AGBL4: variants seen among roughly 807,000 people sequenced by gnomAD.
The protein encoded by AGBL4 is cytosolic carboxypeptidase 6.
In AGBL4, 58 loss-of-function variants were observed where a neutral mutation model predicts 66.4. That is an observed-to-expected ratio of 0.87 (90% CI 0.71 to 1.09). AGBL4 has a LOEUF of 1.09. Ranked by LOEUF, AGBL4 falls within the 50% of genes least tolerant of loss-of-function variation. The pLI is 0.00. For missense variants in AGBL4, 579 were observed against 631.0 expected (o/e 0.92, Z 0.88); for synonymous variants, 234 against 222.9 (o/e 1.05, Z -0.44).
intron 6 of AGBL4, among the ~76,000 whole-genome samples, chr1:48,835,250 G>T (rs1646647664): frequency 6.6e-6 from 1 of 152,032 alleles, no homozygotes; most frequent in African/African-American, 2.4e-5. Context: ...CCCCTATCAG[G>T]GGCAGAATGT....
chr1:49,303,902 T>G (rs1644801744), intron 3 of AGBL4, among the ~76,000 whole-genome samples: 1 of 152,194 alleles, frequency 6.6e-6, no homozygotes, highest in Non-Finnish European at 1.5e-5. Context: ...ATTGATAGAT[T>G]GCAAAAATTT....
intron 3 of AGBL4, among the ~76,000 whole-genome samples, chr1:49,419,901 C>CT (rs1172091468): frequency 6.6e-6 from 1 of 152,166 alleles, no homozygotes; most frequent in Non-Finnish European, 1.5e-5. Context: ...TAAAGTCTTG[C>CT]TGTTCAAAGT....
intron 4 of AGBL4, among the ~76,000 whole-genome samples, chr1:49,058,808 T>C (rs1342946463): frequency 6.6e-6 from 1 of 152,178 alleles, no homozygotes; most frequent in Admixed American, 6.5e-5. Context: ...GAGGAACTTG[T>C]TGGGAACTGG....
At chr1:49,066,368 A>G (rs1411033294) in intron 4 of AGBL4, among the ~76,000 whole-genome samples, 3 of 152,204 alleles carry the variant, frequency 2.0e-5, no homozygotes, top group Non-Finnish European at 2.9e-5. Flanking sequence ...CCTTGCCAAC[A>G]TGGTGAAACC....
chr1:49,049,760 C>T (rs1410174747), intron 4 of AGBL4, among the ~76,000 whole-genome samples: 1 of 151,844 alleles, frequency 6.6e-6, no homozygotes, highest in Non-Finnish European at 1.5e-5. Context: ...AGATCCTGTA[C>T]TTGATGTTAG....
At chr1:49,910,524 C>T (rs1401884795) in intron 1 of AGBL4, among the ~76,000 whole-genome samples, 6 of 151,728 alleles carry the variant, frequency 4.0e-5, no homozygotes, top group Non-Finnish European at 8.8e-5. Flanking sequence ...AGAAATGGAG[C>T]AAATGATGGA....
chr1:49,399,292 G>A (rs1453574955), intron 3 of AGBL4, among the ~76,000 whole-genome samples: 1 of 152,088 alleles, frequency 6.6e-6, no homozygotes, highest in African/African-American at 2.4e-5. Context: ...TGTGAATAGT[G>A]CTGCAATAAA....
chr1:48,889,166 T>C (rs1650666236), intron 5 of AGBL4, among the ~76,000 whole-genome samples: 1 of 152,238 alleles, frequency 6.6e-6, no homozygotes. Context: ...ATTCTTTAAA[T>C]GTAAACACTT....
chr1:49,661,431 T>C (rs904344684), intron 3 of AGBL4, among the ~76,000 whole-genome samples: 1 of 152,056 alleles, frequency 6.6e-6, no homozygotes, highest in Admixed American at 6.6e-5. Context: ...ATGAGTGAGA[T>C]CTCACTTTGT....
chr1:49,514,656 C>T (rs1208805244), intron 3 of AGBL4, among the ~76,000 whole-genome samples: 2 of 152,038 alleles, frequency 1.3e-5, no homozygotes, highest in Non-Finnish European at 2.9e-5. Context: ...GCTACGGTAA[C>T]CAAAACAGCA....
At chr1:49,852,184 A>G (rs1344079324) in intron 1 of AGBL4, among the ~76,000 whole-genome samples, 2 of 152,122 alleles carry the variant, frequency 1.3e-5, no homozygotes, top group African/African-American at 4.8e-5. Flanking sequence ...TCCCAAATCT[A>G]TCAGAGAGCT....
At chr1:48,660,590 C>T (rs1386318907) in intron 7 of AGBL4, among the ~76,000 whole-genome samples, 1 of 152,172 alleles carries the variant, frequency 6.6e-6, no homozygotes, top group Non-Finnish European at 1.5e-5. Flanking sequence ...TTAGAAAAGA[C>T]CATGCCTCAG....
At chr1:49,258,042 C>A (rs1652713225) in intron 3 of AGBL4, among the ~76,000 whole-genome samples, 1 of 152,174 alleles carries the variant, frequency 6.6e-6, no homozygotes, top group African/African-American at 2.4e-5. Context: ...TGCTGATAGC[C>A]AGGCAAACAG....
At position 49,743,603 on chromosome 1, in the gene AGBL4, C is replaced by T. The variant is rs558217751; in HGVS notation, c.158-46166G>A. Among the ~76,000 whole-genome samples, 6 of 151,974 alleles carry T rather than the reference C, an allele frequency of 3.9e-5. No homozygotes were observed. In the East Asian group the frequency reaches 7.7e-4, roughly 20 times the overall value. ...ATGCCGCTATAAAGACACATGCGCA[C>T]GTATGTTTATTGTGGCACTATTCAC... On this transcript the variant is annotated intron_variant, in intron 2 of 13. Coordinates refer to ENST00000371839, the MANE Select transcript of AGBL4 (RefSeq NM_032785.4).
intron 2 of AGBL4, among the ~76,000 whole-genome samples, chr1:49,768,443 G>A (rs1024828591): frequency 1.3e-5 from 2 of 152,146 alleles, no homozygotes; most frequent in African/African-American, 4.8e-5. Flanking sequence ...CATCTCAACT[G>A]ACACAGAAAA....
At chr1:49,217,027 G>A (rs1209069684) in intron 4 of AGBL4, among the ~76,000 whole-genome samples, 3 of 152,064 alleles carry the variant, frequency 2.0e-5, no homozygotes, top group Non-Finnish European at 4.4e-5. Context: ...AGAGAGCCAG[G>A]ATGTAACATG....
At chr1:49,381,036 A>T (rs943739778) in intron 3 of AGBL4, among the ~76,000 whole-genome samples, 3 of 152,224 alleles carry the variant, frequency 2.0e-5, no homozygotes, top group Admixed American at 6.5e-5. Flanking sequence ...AGCAAAAGAA[A>T]CTACCATCAG....
chr1:49,522,093 T>G (rs1002292748), intron 3 of AGBL4, among the ~76,000 whole-genome samples: 2 of 152,096 alleles, frequency 1.3e-5, no homozygotes, highest in African/African-American at 2.4e-5. Context: ...ACAGAAAAAT[T>G]TGTTACAGTC....
intron 4 of AGBL4, among the ~76,000 whole-genome samples, chr1:49,151,909 G>A (rs1646343315): frequency 6.6e-6 from 1 of 151,702 alleles, no homozygotes; most frequent in Non-Finnish European, 1.5e-5. Context: ...GGGTTTCAGA[G>A]ATAAAGGCTT....
Sources: allele counts gnomAD v4.1 joint callset (sites outside exome capture counted in the v4.1 genomes callset), GRCh38; gene constraint gnomAD v4.1.1; transcripts MANE v1.5; gene names NCBI Gene and HGNC (gene_info 2026-07-23, HGNC 2026-07-21).